Variants in HDAC9 observed in about 807,000 individuals in gnomAD.
HDAC9 encodes the protein MEF-2 interacting transcription repressor (MITR) protein.
A neutral mutation model predicts 139.4 loss-of-function variants in HDAC9; 41 were observed. The observed-to-expected ratio is 0.29, with a 90% CI of 0.23 to 0.38. HDAC9 has a LOEUF of 0.38. HDAC9 is among the 10% of genes least tolerant of loss of function. HDAC9 has a pLI of 1.00. For missense variants in HDAC9, 1,147 were observed against 1,297.0 expected, an observed-to-expected ratio of 0.88 and a Z score of 1.78; for synonymous variants, 517 against 476.2, an observed-to-expected ratio of 1.09 and a Z score of -1.12.
At chr7:18,932,320 T>G (rs1456531843) in intron 22 of HDAC9, among the ~76,000 whole-genome samples, 4 of 152,154 alleles carry the variant, frequency 2.6e-5, no homozygotes, top group African/African-American at 9.7e-5. Flanking sequence ...CCATGATAAT[T>G]TTTTCTAAAT....
At chr7:18,782,745 C>T (rs377406684) in intron 16 of HDAC9, among the ~76,000 whole-genome samples, 1 of 151,896 alleles carries the variant, frequency 6.6e-6, no homozygotes, top group East Asian at 1.9e-4. Context: ...CTTACTGCTT[C>T]CAGCATCGTC....
chr7:18,990,302 T>C (rs1008452896), intron 25 of HDAC9, among the ~76,000 whole-genome samples: 1 of 152,082 alleles, frequency 6.6e-6, no homozygotes, highest in East Asian at 1.9e-4. Flanking sequence ...TTGGAGTACC[T>C]GGCCATGTGA....
chr7:18,838,608 G>A (rs1796387640), intron 21 of HDAC9, among the ~76,000 whole-genome samples: 1 of 152,056 alleles, frequency 6.6e-6, no homozygotes, highest in Admixed American at 6.6e-5. Context: ...TTTGGGCTTA[G>A]TCAGATAGAC....
At chr7:18,382,286 A>G (rs1311809747) in intron 1 of HDAC9, among the ~76,000 whole-genome samples, 1 of 152,238 alleles carries the variant, frequency 6.6e-6, no homozygotes, top group Non-Finnish European at 1.5e-5. Flanking sequence ...TATATATGTA[A>G]TAGAAAACTA....
intron 25 of HDAC9, among the ~76,000 whole-genome samples, chr7:18,990,402 C>T (rs941914972): frequency 1.3e-5 from 2 of 152,212 alleles, no homozygotes; most frequent in Admixed American, 6.5e-5. Context: ...GCAGTCTGCC[C>T]GTTTTCAGAT....
intron 12 of HDAC9, among the ~76,000 whole-genome samples, chr7:18,687,755 T>C (rs889938852): frequency 1.3e-5 from 2 of 151,900 alleles, no homozygotes; most frequent in Non-Finnish European, 2.9e-5. Context: ...GAGGGAAAGC[T>C]GTGTATTTCT....
chr7:18,368,308 G>A (rs1254519990), intron 1 of HDAC9, among the ~76,000 whole-genome samples: 4 of 151,800 alleles, frequency 2.6e-5, no homozygotes, highest in East Asian at 1.9e-4. Flanking sequence ...ATCCATCTGG[G>A]ATTTTTTTGT....
At chr7:18,353,575 C>T (rs887136831) in intron 1 of HDAC9, among the ~76,000 whole-genome samples, 1 of 152,112 alleles carries the variant, frequency 6.6e-6, no homozygotes, top group African/African-American at 2.4e-5. Context: ...TTTTTATTCC[C>T]TGAGTGCAAA....
chr7:18,364,437 C>G (rs1441571442), intron 1 of HDAC9, among the ~76,000 whole-genome samples: 1 of 151,892 alleles, frequency 6.6e-6, no homozygotes, highest in Non-Finnish European at 1.5e-5. Context: ...AATAAGCAAT[C>G]AGGAGGAAGA....
intron 9 of HDAC9, among the ~76,000 whole-genome samples, chr7:18,647,484 T>C (rs1474497168): frequency 6.6e-6 from 1 of 152,302 alleles, no homozygotes; most frequent in Admixed American, 6.5e-5. Context: ...ACAGATCTCT[T>C]GAATTTATTC....
intron 1 of HDAC9, among the ~76,000 whole-genome samples, chr7:18,459,838 C>T (rs762928464): frequency 1.1e-4 from 16 of 152,012 alleles, no homozygotes; most frequent in Non-Finnish European, 2.4e-4. Context: ...CCATCTATTC[C>T]ACTTTAAATA....
intron 13 of HDAC9, among the ~76,000 whole-genome samples, chr7:18,745,797 C>T (rs1024719411): frequency 1.5e-4 from 22 of 151,450 alleles, no homozygotes; most frequent in African/African-American, 5.1e-4. Flanking sequence ...CCATCCGCCT[C>T]GGCCTCCCAA....
chr7:18,616,768 A>G (rs1838713816), intron 6 of HDAC9, among the ~76,000 whole-genome samples: 1 of 152,176 alleles, frequency 6.6e-6, no homozygotes, highest in Non-Finnish European at 1.5e-5. Context: ...TGGGGAGAGG[A>G]CAGTCTCCTG....
intron 2 of HDAC9, among the ~76,000 whole-genome samples, chr7:18,545,862 A>G (rs1376588278): frequency 6.6e-6 from 1 of 152,184 alleles, no homozygotes; most frequent in Non-Finnish European, 1.5e-5. Flanking sequence ...ATACCTCCCT[A>G]CTTATATAGG....
intron 1 of HDAC9, among the ~76,000 whole-genome samples, chr7:18,333,760 A>G (rs1781382605): frequency 6.6e-6 from 1 of 151,544 alleles, no homozygotes; most frequent in Non-Finnish European, 1.5e-5. Context: ...AGCAATGTTA[A>G]GGAGAATGAG....
intron 12 of HDAC9, among the ~76,000 whole-genome samples, chr7:18,721,694 T>C (rs1201456110): frequency 6.6e-6 from 1 of 152,172 alleles, no homozygotes; most frequent in East Asian, 1.9e-4. Context: ...CCAGAAGCTA[T>C]ACATTTGGTC....
In HDAC9 at chr7:18,666,374, A is replaced by T. The variant is rs370270521; in HGVS notation, c.1629A>T (p.Gly543=). ...DSSACVDDTL[G]QVGAVKVKEE... ...GTGCTTGTGTGGATGACACACTGGG[A>T]CAAGTTGGGGCTGTGAAGGTCAAGG... The change falls in exon 12 of 26, where the codon GGA becomes GGT. Residue 543 remains glycine (G), a synonymous_variant. Transcript: ENST00000686413. 56 of 1,613,162 alleles carry T rather than the reference A, an allele frequency of 3.5e-5. No homozygotes were observed. The highest frequency in any genetic ancestry group is 3.9e-5 in the Non-Finnish European group (46 of 1,179,600).
intron 1 of HDAC9, among the ~76,000 whole-genome samples, chr7:18,374,768 G>A (rs1233714877): frequency 6.6e-6 from 1 of 151,948 alleles, no homozygotes; most frequent in Non-Finnish European, 1.5e-5. Context: ...GCTGTTGGCA[G>A]CATAATATAC....
chr7:18,701,718 C>T (rs1783502973), intron 12 of HDAC9, among the ~76,000 whole-genome samples: 1 of 152,232 alleles, frequency 6.6e-6, no homozygotes, highest in Non-Finnish European at 1.5e-5. Flanking sequence ...GCCTAATTCA[C>T]ACATGAAGTG....
Sources: allele counts gnomAD v4.1 joint callset (sites outside exome capture counted in the v4.1 genomes callset), GRCh38; gene constraint gnomAD v4.1.1; transcripts MANE v1.5; gene names NCBI Gene and HGNC (gene_info 2026-07-23, HGNC 2026-07-21).